TOX3: variants seen among roughly 807,000 people sequenced by gnomAD.
TOX3 encodes TOX high mobility group box family member 3.
In TOX3, 22 loss-of-function variants were observed where a neutral mutation model predicts 64.3. That is an observed-to-expected ratio of 0.34 (90% CI 0.24 to 0.49). The LOEUF (loss-of-function observed/expected upper bound fraction) is 0.49, where lower values mean the gene tolerates loss of function less well. Ranked by LOEUF, TOX3 falls within the 20% of genes least tolerant of loss-of-function variation. The pLI is 0.99. For synonymous variants in TOX3, 291 were observed against 273.6 expected, an observed-to-expected ratio of 1.06 and a Z score of -0.63; for missense variants, 661 against 714.4, an observed-to-expected ratio of 0.93 and a Z score of 0.85.
chr16:52,526,569 G>A (rs1186275329), intron 1 of TOX3, among the ~76,000 whole-genome samples: 1 of 152,118 alleles, frequency 6.6e-6, no homozygotes, highest in Non-Finnish European at 1.5e-5. Context: ...GGGAGGGCTG[G>A]TTAGAGGATA....
chr16:52,504,242 G>A (rs541259063), intron 1 of TOX3, among the ~76,000 whole-genome samples: 6 of 152,012 alleles, frequency 3.9e-5, no homozygotes, highest in African/African-American at 7.2e-5. Flanking sequence ...TGAGGCAGGC[G>A]GATCACTAGG....
chr16:52,450,223 T>C, intron 4 of TOX3, 54 bp downstream of exon 4: 1 of 1,599,408 alleles, frequency 6.3e-7, no homozygotes, highest in Admixed American at 1.7e-5. Flanking sequence ...TCAAACAGCA[T>C]GGGGTAATCC....
rs556586474 is a variant in TOX3 at position 52,497,654 on chromosome 16, C to G, written c.88-29080G>C. On this transcript the variant is annotated intron_variant, in intron 1 of 6. Coordinates refer to ENST00000219746, the MANE Select transcript of TOX3 (RefSeq NM_001080430.4). The stretch of plus-strand genomic sequence containing the variant: ...TAGGATGTTTGCTTTGCACTTAAGA[C>G]AACACCTACCTCACAAAGAGCTAGG... Among the ~76,000 whole-genome samples, 7 of 152,242 alleles carry G rather than the reference C, an allele frequency of 4.6e-5. No individual in the cohort carries two copies. In the South Asian group the frequency reaches 1.0e-3, roughly 23 times the overall value.
At chr16:52,489,936 T>C (rs1272824368) in intron 1 of TOX3, among the ~76,000 whole-genome samples, 1 of 152,142 alleles carries the variant, frequency 6.6e-6, no homozygotes, top group Non-Finnish European at 1.5e-5. Flanking sequence ...TCCTAACCAA[T>C]CTTCAGATGC....
At chr16:52,470,514 T>C (rs1961012089) in intron 1 of TOX3, among the ~76,000 whole-genome samples, 1 of 152,164 alleles carries the variant, frequency 6.6e-6, no homozygotes, top group Non-Finnish European at 1.5e-5. Context: ...GCTATTAAAC[T>C]AAAGGCCTAA....
chr16:52,488,833 T>C (rs1041748260), intron 1 of TOX3, among the ~76,000 whole-genome samples: 26 of 152,218 alleles, frequency 1.7e-4, no homozygotes, highest in Admixed American at 7.9e-4. Context: ...ATCAAAAATG[T>C]CTCTCTCCCA....
At chr16:52,501,681 C>A (rs58153922) in intron 1 of TOX3, among the ~76,000 whole-genome samples, 28,626 of 139,588 alleles carry the variant, frequency 0.21, 3,402 homozygotes, top group African/African-American at 0.36. Context: ...AACAAACAAA[C>A]AAAAAAAAAA....
chr16:52,519,680 G>C, intron 1 of TOX3: 1 of 1,138,226 alleles, frequency 8.8e-7, no homozygotes, highest in South Asian at 2.1e-5. Context: ...AGAATGGGCT[G>C]GGCGCAGTCG....
At chr16:52,470,391 G>A (rs1425143290) in intron 1 of TOX3, among the ~76,000 whole-genome samples, 3 of 152,018 alleles carry the variant, frequency 2.0e-5, no homozygotes, top group Non-Finnish European at 4.4e-5. Flanking sequence ...AGGTTTTGTT[G>A]GGGAATTAGA....
intron 1 of TOX3, among the ~76,000 whole-genome samples, chr16:52,501,574 C>T (rs757621280): frequency 5.3e-5 from 8 of 151,988 alleles, no homozygotes; most frequent in South Asian, 2.1e-4. Flanking sequence ...GCAGGAGAAT[C>T]GCTTGAACCC....
At chr16:52,518,747 T>C (rs1189086439) in intron 1 of TOX3, among the ~76,000 whole-genome samples, 2 of 152,248 alleles carry the variant, frequency 1.3e-5, no homozygotes, top group African/African-American at 4.8e-5. Context: ...GAGTTTAATG[T>C]TCATTTGAGT....
rs894776295 is a variant in TOX3, at chr16:52,514,563, C to T, written c.87+32074G>A. Among the ~76,000 whole-genome samples the T allele has an allele frequency of 1.1e-4, 16 of 152,042 alleles. No individual in the cohort carries two copies. In the East Asian group the frequency reaches 1.2e-3, roughly 11 times the overall value. On this transcript the variant is annotated intron_variant, in intron 1 of 6. Coordinates refer to ENST00000219746, the MANE Select transcript of TOX3 (RefSeq NM_001080430.4). Reference sequence around the variant, plus strand: ...AACATTTTGGCAAGTTCAATAGAGCCGAAAGGCTTGTGAAGGCTATGGGAG... The same window carrying T: ...AACATTTTGGCAAGTTCAATAGAGCTGAAAGGCTTGTGAAGGCTATGGGAG...
At chr16:52,445,118 A>C (rs551036951) in intron 5 of TOX3, 8 of 152,334 alleles carry the variant, frequency 5.3e-5, no homozygotes, top group African/African-American at 1.9e-4. Context: ...TCAGTCTGCT[A>C]TCTACAGTAA....
chr16:52,444,691 T>C (rs1478472707), intron 5 of TOX3: 3 of 198,120 alleles, frequency 1.5e-5, no homozygotes, highest in African/African-American at 2.3e-5. Flanking sequence ...AGGCAATAAA[T>C]AAGGTAGCAA....
chr16:52,468,610 G>T, intron 1 of TOX3, 36 bp from the exon 2 acceptor site: 1 of 1,473,646 alleles, frequency 6.8e-7, no homozygotes, highest in Non-Finnish European at 9.5e-7. Flanking sequence ...TTAATATGCG[G>T]CATAATAAAG....
At chr16:52,539,169 T>C (rs758931106) in intron 1 of TOX3, among the ~76,000 whole-genome samples, 1 of 152,246 alleles carries the variant, frequency 6.6e-6, no homozygotes, top group Non-Finnish European at 1.5e-5. Context: ...ATGGCTAATA[T>C]GGTTTTAAAT....
chr16:52,462,677 T>C lies in TOX3; in HGVS notation c.408+1257A>G, dbSNP rs182087687. Among the ~76,000 whole-genome samples, 51 of 152,180 alleles carry C rather than the reference T, an allele frequency of 3.4e-4. 1 individual carries two copies. In the East Asian group the frequency reaches 9.7e-3, roughly 29 times the overall value. On this transcript the variant is annotated intron_variant, in intron 3 of 6. Transcript: ENST00000219746. ...TTTTTATTCTTTTCTAAGCAAAACA[T>C]TGCAAGCCTGGCTGTAGAGAAACAG...
At chr16:52,488,463 A>T (rs1446790435) in intron 1 of TOX3, among the ~76,000 whole-genome samples, 1 of 152,208 alleles carries the variant, frequency 6.6e-6, no homozygotes, top group East Asian at 1.9e-4. Context: ...AAGGGCAATG[A>T]CCATCTTGTT....
At chr16:52,511,752 A>T (rs1359663237) in intron 1 of TOX3, among the ~76,000 whole-genome samples, 1 of 152,206 alleles carries the variant, frequency 6.6e-6, no homozygotes, top group Non-Finnish European at 1.5e-5. Flanking sequence ...GAAAGATGGC[A>T]GCAATAGTTT....
Sources: allele counts gnomAD v4.1 joint callset (sites outside exome capture counted in the v4.1 genomes callset), GRCh38; gene constraint gnomAD v4.1.1; transcripts MANE v1.5; gene names NCBI Gene and HGNC (gene_info 2026-07-23, HGNC 2026-07-21).